The following CLEC16A variants were observed in gnomAD, a reference collection of about 807,000 sequenced individuals.
CLEC16A encodes the protein protein CLEC16A.
Under a neutral mutation model 109.5 loss-of-function variants are expected in CLEC16A, and 51 were observed. That is an observed-to-expected ratio of 0.47 (90% CI 0.37 to 0.59). The LOEUF is 0.59. CLEC16A is among the 20% of genes least tolerant of loss of function. The probability of loss-of-function intolerance (pLI) is 0.00; values close to 1 mark genes in which losing one functional copy is unlikely to be tolerated. For missense variants in CLEC16A, 1,339 were observed against 1,394.0 expected, an observed-to-expected ratio of 0.96 and a Z score of 0.63; for synonymous variants, 673 against 564.2, an observed-to-expected ratio of 1.19 and a Z score of -2.73.
intron 23 of CLEC16A, among the ~76,000 whole-genome samples, chr16:11,175,546 C>T (rs1200436656): frequency 6.6e-6 from 1 of 152,198 alleles, no homozygotes; most frequent in African/African-American, 2.4e-5. Context: ...CAGAGTTCTC[C>T]TTTTTCACCT....
intron 12 of CLEC16A, 32 bp downstream of exon 12, chr16:11,020,357 C>T (rs950018419): frequency 1.9e-6 from 3 of 1,578,414 alleles, no homozygotes; most frequent in Admixed American, 1.8e-5. Context: ...GCTGAGTGCT[C>T]TCTCAGGGAA....
At chr16:11,050,752 A>G (rs2152879245) in intron 17 of CLEC16A, among the ~76,000 whole-genome samples, 1 of 152,274 alleles carries the variant, frequency 6.6e-6, no homozygotes, top group South Asian at 2.1e-4. Flanking sequence ...CCCTTTTATG[A>G]TGGGCCCACC....
intron 19 of CLEC16A, among the ~76,000 whole-genome samples, chr16:11,095,212 C>G (rs1325765774): frequency 6.6e-6 from 1 of 152,022 alleles, no homozygotes; most frequent in East Asian, 1.9e-4. Context: ...CGTGGAAAGC[C>G]TGCCTTTTCT....
At chr16:10,994,886 A>G (rs900708924) in intron 10 of CLEC16A, among the ~76,000 whole-genome samples, 4 of 152,200 alleles carry the variant, frequency 2.6e-5, no homozygotes, top group Non-Finnish European at 5.9e-5. Context: ...GGCTGGCCCA[A>G]CGTTGGGAGG....
At position 11,178,343 on chromosome 16, in the gene CLEC16A, A is replaced by G. The variant is rs919241635; in HGVS notation, c.2815A>G (p.Met939Val). ...TTTCTCCCCCAATCCAGATGCCCCC[A>G]TGAGTCCAGAACTGCCTAAGCCTCA... is the stretch of plus-strand genomic sequence containing the variant. ...STAQSPADAP[M>V]SPELPKPHLP... The change falls in exon 24 of 24, where the codon ATG (methionine) becomes GTG (valine). Residue 939 changes from methionine (M) to valine (V), a missense_variant. Physicochemically the swap from Met to Val is conservative, Grantham distance 21. Coordinates refer to ENST00000409790, the MANE Select transcript of CLEC16A (RefSeq NM_015226.3). The surrounding 1 kb of genome is among the most constrained non-coding windows in gnomAD (Gnocchi z 6.5). The G allele has an allele frequency of 5.6e-6, 9 of 1,604,970 alleles. No individual in the cohort carries two copies. Among genetic ancestry groups the G allele is most frequent in the African/African-American group, 4.0e-5 (3 of 74,708 alleles).
At position 11,178,717 on chromosome 16, in the gene CLEC16A, G is replaced by T; in HGVS notation, c.*27G>T. 7.0e-7 allele frequency: 1 copy of T among 1,432,350 alleles called. No homozygotes were observed. The highest frequency in any genetic ancestry group is 1.4e-5 in the South Asian group (1 of 69,454). The allele number at this position is 1,432,350 out of a possible 1,614,324, so 88.7% of individuals were successfully genotyped here. ...TCAGTGCCGGGGCCTCCCTTTGTGT[G>T]TGTGGCCCCGCTGGTAGGGACCCCA... On this transcript the variant is annotated 3_prime_UTR_variant, in exon 24 of 24. Coordinates refer to ENST00000409790, the MANE Select transcript of CLEC16A (RefSeq NM_015226.3). This position sits in a 1 kb window ranked among gnomAD's most constrained non-coding sequence, Gnocchi z 6.5.
At chr16:10,974,105 G>C (rs2042928877) in intron 7 of CLEC16A, among the ~76,000 whole-genome samples, 1 of 151,464 alleles carries the variant, frequency 6.6e-6, no homozygotes, top group Non-Finnish European at 1.5e-5. Flanking sequence ...CACCGTGTTG[G>C]CTAGGCTAGT....
chr16:10,963,303 C>A (rs1488736524), intron 3 of CLEC16A, among the ~76,000 whole-genome samples: 1 of 152,134 alleles, frequency 6.6e-6, no homozygotes, highest in African/African-American at 2.4e-5. Context: ...CGCCAAAGGC[C>A]CTGTCTTCAA....
chr16:11,146,250 A>G (rs1300473496), intron 22 of CLEC16A, among the ~76,000 whole-genome samples: 1 of 151,946 alleles, frequency 6.6e-6, no homozygotes. Flanking sequence ...CTCTCCTGAC[A>G]TTTTCTACTC....
intron 23 of CLEC16A, among the ~76,000 whole-genome samples, chr16:11,171,264 A>G (rs41359): frequency 0.74 from 112,351 of 152,110 alleles, 42,862 homozygotes; most frequent in African/African-American, 0.93. Flanking sequence ...CTGGTCACCC[A>G]GAGGCTCCCT....
rs113919157 is a variant in CLEC16A at position 10,986,527 on chromosome 16, A to G, written c.1071+3536A>G. 1.6e-3 allele frequency among the ~76,000 whole-genome samples: 247 copies of G among 152,308 alleles called. 3 individuals are homozygous for G. The highest frequency in any genetic ancestry group is 5.6e-3 in the African/African-American group (234 of 41,572). The stretch of plus-strand genomic sequence containing the variant: ...GAGTCACCTGCATGACTGATACTTC[A>G]TACCCACTGGACAACAACTCTCCAT... On this transcript the variant is annotated intron_variant, in intron 10 of 23. Transcript: ENST00000409790.
Position 11,178,402 on chromosome 16 carries a change from G to A in CLEC16A, c.2874G>A (p.Thr958=), listed in dbSNP as rs61744091. 1.7e-5 allele frequency: 27 copies of A among 1,613,808 alleles called. No individual in the cohort carries two copies. Among genetic ancestry groups the A allele is most frequent in the Middle Eastern group, 3.3e-4 (2 of 6,062 alleles). The change falls in exon 24 of 24, where the codon ACG becomes ACA. Residue 958 remains threonine (T), a synonymous_variant. Coordinates refer to ENST00000409790, the MANE Select transcript of CLEC16A (RefSeq NM_015226.3). This position sits in a 1 kb window ranked among gnomAD's most constrained non-coding sequence, Gnocchi z 6.5. ...LPDQLVIVNE[T]EADSKPSKNV... is the part of the protein sequence containing the mutation. ...ACCAGTTGGTAATCGTCAACGAAAC[G>A]GAAGCAGACTCTAAGCCCAGCAAGA...
chr16:11,116,973 C>T (rs534038274), intron 19 of CLEC16A, among the ~76,000 whole-genome samples: 7 of 152,268 alleles, frequency 4.6e-5, no homozygotes, highest in African/African-American at 1.7e-4. Context: ...AAATGTAGTA[C>T]GTATACACTA....
intron 22 of CLEC16A, among the ~76,000 whole-genome samples, chr16:11,138,410 C>A (rs2053669488): frequency 6.6e-6 from 1 of 152,204 alleles, no homozygotes; most frequent in Admixed American, 6.5e-5. Flanking sequence ...GAATTTTATC[C>A]TAGAAGCAGC....
Position 11,050,672 on chromosome 16 carries a change from T to C in CLEC16A, c.1867-841T>C, listed in dbSNP as rs116664896. Among the ~76,000 whole-genome samples, 438 of 152,262 alleles carry C rather than the reference T, an allele frequency of 2.9e-3. 1 individual carries two copies. Among genetic ancestry groups the C allele is most frequent in the African/African-American group, 0.01 (422 of 41,558 alleles). ...CTCAAAGAAGGCTTCGCAGAGGTGG[T>C]GTGGAAAGAGGCCGTCAGCTCTGGC... On this transcript the variant is annotated intron_variant, in intron 17 of 23. Transcript: ENST00000409790.
chr16:10,995,778 C>T (rs553945075), intron 10 of CLEC16A, among the ~76,000 whole-genome samples: 1 of 152,290 alleles, frequency 6.6e-6, no homozygotes, highest in Non-Finnish European at 1.5e-5. Context: ...GGGGCCAGGT[C>T]TGCCTGGGCA....
intron 19 of CLEC16A, among the ~76,000 whole-genome samples, chr16:11,119,203 T>C (rs1305697146): frequency 6.6e-6 from 1 of 152,288 alleles, no homozygotes; most frequent in East Asian, 1.9e-4. Context: ...TGTTTCACCA[T>C]GTTGGCCAAG....
chr16:11,009,821 G>C (rs1463253150), intron 11 of CLEC16A, among the ~76,000 whole-genome samples: 1 of 152,184 alleles, frequency 6.6e-6, no homozygotes, highest in East Asian at 1.9e-4. Flanking sequence ...TACCACTGCA[G>C]AATATAGAGA....
At chr16:11,061,240 C>T (rs777975944) in intron 19 of CLEC16A, among the ~76,000 whole-genome samples, 36 of 152,212 alleles carry the variant, frequency 2.4e-4, no homozygotes, top group Non-Finnish European at 7.3e-5. Context: ...TCTGCTTTCA[C>T]ACAGCTGGTT....
Sources: gnomAD v4.1 joint callset for allele counts (sites outside exome capture counted in the v4.1 genomes callset) on GRCh38, gnomAD v4.1.1 for gene constraint, Gnocchi (gnomAD v3.1) non-coding constraint, MANE v1.5 for transcripts, NCBI Gene and HGNC (gene_info 2026-07-23, HGNC 2026-07-21) for gene names.